Variants in SGSM1 observed in about 807,000 individuals in gnomAD.
SGSM1 encodes small G protein signaling modulator 1.
In SGSM1, 73 loss-of-function variants were observed where a neutral mutation model predicts 133.8. The ratio of observed to expected loss-of-function variants is 0.55; its 90% CI spans 0.45 to 0.66. The LOEUF (loss-of-function observed/expected upper bound fraction) is 0.66, where lower values mean the gene tolerates loss of function less well. SGSM1 is among the 30% of genes least tolerant of loss of function. The pLI, the probability that SGSM1 is intolerant of heterozygous loss-of-function variation, is 0.00. For missense variants in SGSM1, 1,213 were observed against 1,448.1 expected (o/e 0.84, Z 2.64); for synonymous variants, 563 against 573.0 (o/e 0.98, Z 0.25).
intron 9 of SGSM1, among the ~76,000 whole-genome samples, chr22:24,860,912 A>ATATATATAT (rs1356480013): frequency 3.8e-4 from 37 of 97,688 alleles, no homozygotes; most frequent in South Asian, 8.0e-4. Context: ...AAAAAAAAAA[A>ATATATATAT]AAAAAAAAAA....
rs1007040952 is a variant in SGSM1 at position 24,806,436 on chromosome 22, C to A, written c.20-5C>A. ...GACCCGCGGCTCTCGTTTCTTGTCC[C>A]ACAGAGGCGGAGACCCGACAGAGGC... On this transcript the variant is annotated splice_region_variant and splice_polypyrimidine_tract_variant and intron_variant, in intron 1 of 24. Transcript: ENST00000400358. 2 of 1,523,760 alleles carry A rather than the reference C, an allele frequency of 1.3e-6. No individual in the cohort carries two copies. The highest frequency in any genetic ancestry group is 1.8e-6 in the Non-Finnish European group (2 of 1,135,382). 94.4% of individuals were successfully genotyped at this position (1,523,760 alleles called of 1,614,324 possible).
intron 21 of SGSM1, among the ~76,000 whole-genome samples, chr22:24,907,911 CAAAAAAAAA>C (rs796505229): frequency 3.5e-5 from 2 of 57,074 alleles, no homozygotes; most frequent in Non-Finnish European, 6.8e-5. Context: ...GACGCCATCT[CAAAAAAAAA>C]AAAAAAAAAA....
In SGSM1 at chr22:24,897,970, A is replaced by C; in HGVS notation, c.2023-2A>C. On this transcript the variant is annotated splice_acceptor_variant, in intron 18 of 24. Transcript: ENST00000400358. LOFTEE classifies it high-confidence loss of function. The stretch of plus-strand genomic sequence containing the variant: ...ATCTGTTTTTGTGCACCTTGTCCTC[A>C]GGTGTTTGAGTCTGTGGATGAGGTG... 1 of 1,587,514 alleles carries C rather than the reference A, an allele frequency of 6.3e-7. No homozygotes were observed. Among genetic ancestry groups the C allele is most frequent in the East Asian group, 2.3e-5 (1 of 43,682 alleles).
chr22:24,829,775 C>T (rs1929004476), intron 2 of SGSM1, among the ~76,000 whole-genome samples: 1 of 152,178 alleles, frequency 6.6e-6, no homozygotes, highest in Non-Finnish European at 1.5e-5. Flanking sequence ...TGGTTATACA[C>T]AGTTCCTGGA....
At chr22:24,856,091 C>G (rs1569149914) in intron 8 of SGSM1, 1 of 370,450 alleles carries the variant, frequency 2.7e-6, no homozygotes. Context: ...CTGTCCATCT[C>G]TTCACTCACC....
chr22:24,817,662 C>T (rs1483805439), intron 2 of SGSM1, among the ~76,000 whole-genome samples: 1 of 151,950 alleles, frequency 6.6e-6, no homozygotes, highest in East Asian at 2.0e-4. Flanking sequence ...TGAGTATCCT[C>T]AGCTTTCGTC....
At chr22:24,911,344 T>C (rs1601987810) in intron 21 of SGSM1, among the ~76,000 whole-genome samples, 1 of 142,936 alleles carries the variant, frequency 7.0e-6, no homozygotes, top group African/African-American at 2.6e-5. Flanking sequence ...CAGGCTGGAG[T>C]GCAATGGTGC....
chr22:24,895,787 T>A (rs1442962671), intron 18 of SGSM1, among the ~76,000 whole-genome samples: 2 of 152,214 alleles, frequency 1.3e-5, no homozygotes, highest in Non-Finnish European at 2.9e-5. Context: ...AGTTCACACT[T>A]GTAATCCCAG....
chr22:24,812,987 G>A (rs1927838718), intron 2 of SGSM1, among the ~76,000 whole-genome samples: 1 of 152,190 alleles, frequency 6.6e-6, no homozygotes, highest in African/African-American at 2.4e-5. Context: ...GGTAACAAGA[G>A]CTCCAAGGAA....
At chr22:24,887,107 T>TTATGTGTGTGTGTGTG (rs149317559) in intron 16 of SGSM1, among the ~76,000 whole-genome samples, 1 of 145,212 alleles carries the variant, frequency 6.9e-6, no homozygotes, top group South Asian at 2.3e-4. Flanking sequence ...TTGTACTTAT[T>TTATGTGTGTGTGTGTG]TGTGTGTGTG....
Position 24,813,178 on chromosome 22 carries a change from C to T in SGSM1, c.63+6694C>T, listed in dbSNP as rs1045673562. Reference sequence around the variant, plus strand: ...CAGAGGCTGTGAGTTGGGAACAGACCAGCTGGGAGGCCAGTGAGGCTGGAG... The same window carrying T: ...CAGAGGCTGTGAGTTGGGAACAGACTAGCTGGGAGGCCAGTGAGGCTGGAG... On this transcript the variant is annotated intron_variant, in intron 2 of 24. Coordinates refer to ENST00000400358, the MANE Select transcript of SGSM1 (RefSeq NM_001098497.3). Among the ~76,000 whole-genome samples the T allele has an allele frequency of 2.0e-5, 3 of 152,240 alleles. No individual in the cohort carries two copies. In the South Asian group the frequency reaches 6.2e-4, roughly 32 times the overall value.
chr22:24,817,057 A>G (rs1928135510), intron 2 of SGSM1, among the ~76,000 whole-genome samples: 1 of 152,154 alleles, frequency 6.6e-6, no homozygotes, highest in Admixed American at 6.5e-5. Context: ...AACGGACACC[A>G]GAGGAGAGTT....
intron 9 of SGSM1, among the ~76,000 whole-genome samples, chr22:24,865,021 A>G (rs898203571): frequency 2.0e-5 from 3 of 152,192 alleles, no homozygotes; most frequent in African/African-American, 4.8e-5. Context: ...GTGCATGGAA[A>G]ACCCTTAGCT....
chr22:24,848,376 A>G lies in SGSM1; in HGVS notation c.302+580A>G, dbSNP rs977699980. Among the ~76,000 whole-genome samples, 5 of 152,186 alleles carry G rather than the reference A, an allele frequency of 3.3e-5. No individual in the cohort carries two copies. The South Asian group carries it at 1.0e-3, about 31-fold the overall frequency. ...TGCATGGACCAGACACGAGGGCCTC[A>G]TATCAATAGGCATATTATAACACAT... On this transcript the variant is annotated intron_variant, in intron 4 of 24. Coordinates refer to ENST00000400358, the MANE Select transcript of SGSM1 (RefSeq NM_001098497.3).
At chr22:24,824,580 T>C (rs888713616) in intron 2 of SGSM1, among the ~76,000 whole-genome samples, 2 of 146,516 alleles carry the variant, frequency 1.4e-5, no homozygotes, top group African/African-American at 5.1e-5. Context: ...ACCAGCTCTT[T>C]CCATAGGCTG....
At chr22:24,907,439 CTT>C (rs1933431094) in intron 21 of SGSM1, among the ~76,000 whole-genome samples, 1 of 151,948 alleles carries the variant, frequency 6.6e-6, no homozygotes, top group Non-Finnish European at 1.5e-5. Flanking sequence ...GATTGGAAGA[CTT>C]AGTGTTGTTA....
At chr22:24,854,322 A>G (rs993159948) in intron 5 of SGSM1, among the ~76,000 whole-genome samples, 11 of 152,362 alleles carry the variant, frequency 7.2e-5, no homozygotes, top group African/African-American at 2.2e-4. Context: ...AGAAGGGCAG[A>G]CATCATCTGA....
chr22:24,918,792 C>T (rs558210468), intron 23 of SGSM1, among the ~76,000 whole-genome samples: 24 of 151,698 alleles, frequency 1.6e-4, no homozygotes, highest in African/African-American at 2.7e-4. Flanking sequence ...AGAGCAATGG[C>T]GCGATCTTGG....
chr22:24,852,380 A>G (rs941233360), intron 5 of SGSM1, among the ~76,000 whole-genome samples: 1 of 152,148 alleles, frequency 6.6e-6, no homozygotes, highest in Non-Finnish European at 1.5e-5. Flanking sequence ...CATCACCCCA[A>G]AGAAACTCCC....
Sources: allele counts gnomAD v4.1 joint callset (sites outside exome capture counted in the v4.1 genomes callset), GRCh38; gene constraint gnomAD v4.1.1; transcripts MANE v1.5; gene names NCBI Gene and HGNC (gene_info 2026-07-23, HGNC 2026-07-21).